PPP1R9A: variants seen among roughly 807,000 people sequenced by gnomAD.
The protein encoded by PPP1R9A is protein phosphatase 1 regulatory subunit 9A, also known as neurabin-1.
Under a neutral mutation model 141.9 loss-of-function variants are expected in PPP1R9A, and 59 were observed. The ratio of observed to expected loss-of-function variants is 0.42; its 90% CI spans 0.34 to 0.52. The LOEUF (loss-of-function observed/expected upper bound fraction) is 0.52. Ranked by LOEUF, PPP1R9A falls within the 20% of genes least tolerant of loss-of-function variation. The pLI is 0.10. For synonymous variants in PPP1R9A, 500 were observed against 569.7 expected, an observed-to-expected ratio of 0.88 and a Z score of 1.74; for missense variants, 1,444 against 1,611.9, an observed-to-expected ratio of 0.90 and a Z score of 1.78.
intron 2 of PPP1R9A, among the ~76,000 whole-genome samples, chr7:95,108,187 T>C (rs1819833246): frequency 1.3e-5 from 2 of 152,000 alleles, no homozygotes; most frequent in Admixed American, 1.3e-4. Flanking sequence ...TCTTTTTCAA[T>C]AATTTGCAGT....
intron 5 of PPP1R9A, among the ~76,000 whole-genome samples, chr7:95,183,780 A>G (rs1430028383): frequency 6.6e-6 from 1 of 152,026 alleles, no homozygotes; most frequent in Non-Finnish European, 1.5e-5. Flanking sequence ...TGGGTTAGAT[A>G]GGAAATTCAT....
intron 4 of PPP1R9A, among the ~76,000 whole-genome samples, chr7:95,133,852 G>A (rs543876840): frequency 6.9e-4 from 105 of 151,998 alleles, no homozygotes; most frequent in Middle Eastern, 3.4e-3. Context: ...ACCATGCCTG[G>A]TTGATTTTTA....
chr7:94,961,916 A>G (rs1387338449), intron 2 of PPP1R9A, among the ~76,000 whole-genome samples: 1 of 151,878 alleles, frequency 6.6e-6, no homozygotes, highest in African/African-American at 2.4e-5. Flanking sequence ...TATTTTATAA[A>G]TATTTCAATG....
intron 2 of PPP1R9A, among the ~76,000 whole-genome samples, chr7:94,937,071 A>C (rs1056339176): frequency 3.3e-5 from 5 of 152,048 alleles, no homozygotes; most frequent in African/African-American, 9.7e-5. Flanking sequence ...ATGTGCCCTA[A>C]CTTATTATTC....
At chr7:95,267,273 T>C (rs536801142) in intron 12 of PPP1R9A, among the ~76,000 whole-genome samples, 18 of 152,268 alleles carry the variant, frequency 1.2e-4, no homozygotes, top group African/African-American at 3.6e-4. Context: ...GAGCTAATAA[T>C]ATTATAAGAA....
At chr7:95,272,433 C>G (rs79259470) in intron 14 of PPP1R9A, among the ~76,000 whole-genome samples, 1 of 152,176 alleles carries the variant, frequency 6.6e-6, no homozygotes, top group Non-Finnish European at 1.5e-5. Context: ...TGTGTCACAT[C>G]TGTGACAATT....
At chr7:95,120,863 A>C (rs779141424) in intron 4 of PPP1R9A, 31 bp downstream of exon 4, 15 of 1,593,944 alleles carry the variant, frequency 9.4e-6, no homozygotes, top group Non-Finnish European at 1.2e-5. Flanking sequence ...AATAACTTAA[A>C]ATCTTTAGAG....
intron 8 of PPP1R9A, among the ~76,000 whole-genome samples, chr7:95,234,530 G>A (rs142657912): frequency 7.1e-4 from 108 of 152,194 alleles, no homozygotes; most frequent in African/African-American, 2.5e-3. Context: ...AATCATAGAC[G>A]ACACAAACAA....
At chr7:94,998,216 A>G (rs1446512762) in intron 2 of PPP1R9A, among the ~76,000 whole-genome samples, 1 of 152,158 alleles carries the variant, frequency 6.6e-6, no homozygotes, top group East Asian at 1.9e-4. Flanking sequence ...CAGGACCCCA[A>G]TATAGAAAAT....
chr7:95,145,357 T>G (rs2152602986), intron 4 of PPP1R9A, among the ~76,000 whole-genome samples: 1 of 152,246 alleles, frequency 6.6e-6, no homozygotes, highest in Admixed American at 6.5e-5. Context: ...TATTAAAGTT[T>G]AAGGGATGCA....
intron 4 of PPP1R9A, among the ~76,000 whole-genome samples, chr7:95,138,864 A>G (rs1264352486): frequency 6.6e-6 from 1 of 152,228 alleles, no homozygotes; most frequent in Non-Finnish European, 1.5e-5. Context: ...GCTGACATGG[A>G]TACAGAGAAG....
intron 5 of PPP1R9A, among the ~76,000 whole-genome samples, chr7:95,175,973 A>G (rs1287341295): frequency 6.6e-6 from 1 of 152,134 alleles, no homozygotes; most frequent in Non-Finnish European, 1.5e-5. Context: ...ACTAGATTGC[A>G]GCTCTGACTT....
intron 2 of PPP1R9A, among the ~76,000 whole-genome samples, chr7:94,954,846 TG>T (rs1563042491): frequency 1.5e-5 from 2 of 129,228 alleles, no homozygotes; most frequent in African/African-American, 5.4e-5. Context: ...TGTGTGTGTG[TG>T]TGTGTGTGTG....
At chr7:95,100,427 G>A (rs1818609476) in intron 2 of PPP1R9A, among the ~76,000 whole-genome samples, 1 of 152,144 alleles carries the variant, frequency 6.6e-6, no homozygotes, top group Admixed American at 6.5e-5. Flanking sequence ...AATAATATAA[G>A]AAGAATACTA....
intron 7 of PPP1R9A, among the ~76,000 whole-genome samples, chr7:95,225,580 C>T (rs1443887150): frequency 2.0e-5 from 3 of 152,136 alleles, no homozygotes. Flanking sequence ...CTCCCCTTCC[C>T]TTTTCATTGC....
At chr7:95,129,273 G>A (rs1025524739) in intron 4 of PPP1R9A, among the ~76,000 whole-genome samples, 4 of 152,078 alleles carry the variant, frequency 2.6e-5, no homozygotes, top group Middle Eastern at 3.2e-3. Flanking sequence ...TTTGGGGGTG[G>A]AGGCATTCCT....
At chr7:95,060,185 C>G (rs1812038208) in intron 2 of PPP1R9A, among the ~76,000 whole-genome samples, 2 of 152,128 alleles carry the variant, frequency 1.3e-5, no homozygotes, top group East Asian at 3.9e-4. Context: ...CTTTCATAGG[C>G]TGAGACTTAC....
chr7:95,286,681 T>G (rs375242451), intron 18 of PPP1R9A, among the ~76,000 whole-genome samples: 2 of 152,204 alleles, frequency 1.3e-5, no homozygotes, highest in East Asian at 3.9e-4. Context: ...CACTCCAAGA[T>G]TCTGATACTG....
chr7:94,950,773 G>A lies in PPP1R9A; in HGVS notation c.1395+39265G>A, dbSNP rs374776123. The stretch of plus-strand genomic sequence containing the variant: ...AAAAGATCATTTTTTCTGAGACAAG[G>A]TCTCACTTTGTTACCCAGGCTGGAA... On this transcript the variant is annotated intron_variant, in intron 2 of 19. Transcript: ENST00000433360. Among the ~76,000 whole-genome samples the A allele has an allele frequency of 1.4e-4, 22 of 152,178 alleles. No individual in the cohort carries two copies. The East Asian group carries it at 3.3e-3, about 23-fold the overall frequency.
Sources: gnomAD v4.1 joint callset for allele counts (sites outside exome capture counted in the v4.1 genomes callset) on GRCh38, gnomAD v4.1.1 for gene constraint, MANE v1.5 for transcripts, NCBI Gene and HGNC (gene_info 2026-07-23, HGNC 2026-07-21) for gene names.